Variants in FBXL4 observed in about 807,000 individuals in gnomAD.
FBXL4 encodes the protein F-box/LRR-repeat protein 4.
Under a neutral mutation model 58.9 loss-of-function variants are expected in FBXL4, and 40 were observed. The ratio of observed to expected loss-of-function variants is 0.68; its 90% CI spans 0.53 to 0.88. FBXL4 has a LOEUF of 0.88. Among genes scored for constraint, FBXL4 ranks in the 40% least tolerant of loss-of-function variants. FBXL4 has a pLI of 0.00. For missense variants in FBXL4, 676 were observed against 734.4 expected (o/e 0.92, Z 0.92); for synonymous variants, 263 against 265.5 (o/e 0.99, Z 0.09).
chr6:98,908,948 A>G (rs903174752), intron 5 of FBXL4, among the ~76,000 whole-genome samples: 1 of 151,900 alleles, frequency 6.6e-6, no homozygotes, highest in Admixed American at 6.6e-5. Context: ...CAGGACTAAT[A>G]CTCCTCTATC....
At chr6:98,886,607 T>G (rs1260692486) in intron 7 of FBXL4, among the ~76,000 whole-genome samples, 1 of 152,214 alleles carries the variant, frequency 6.6e-6, no homozygotes, top group Non-Finnish European at 1.5e-5. Context: ...CCCCATCTTT[T>G]TTTATTCCTC....
intron 2 of FBXL4, among the ~76,000 whole-genome samples, chr6:98,931,918 C>G (rs1773027577): frequency 6.6e-6 from 1 of 152,128 alleles, no homozygotes; most frequent in South Asian, 2.1e-4. Context: ...GGACTTTTGC[C>G]AAGGCATGGA....
At chr6:98,886,867 C>T (rs1771057415) in intron 7 of FBXL4, among the ~76,000 whole-genome samples, 1 of 152,192 alleles carries the variant, frequency 6.6e-6, no homozygotes, top group African/African-American at 2.4e-5. Context: ...AACACTGTCA[C>T]CTAGCTGATT....
intron 8 of FBXL4, among the ~76,000 whole-genome samples, chr6:98,876,386 T>A (rs1056316344): frequency 1.6e-4 from 24 of 152,332 alleles, no homozygotes; most frequent in African/African-American, 5.5e-4. Flanking sequence ...TTTAATAATG[T>A]TTCTTTAAAT....
At position 98,900,844 on chromosome 6, in the gene FBXL4, A is replaced by G. The variant is rs1771581642; in HGVS notation, c.1104-1363T>C. Among the ~76,000 whole-genome samples, 3 of 152,262 alleles carry G rather than the reference A, an allele frequency of 2.0e-5. No individual in the cohort carries two copies. The South Asian group carries it at 6.2e-4, about 32-fold the overall frequency. On this transcript the variant is annotated intron_variant, in intron 6 of 9. Coordinates refer to ENST00000369244, the MANE Select transcript of FBXL4 (RefSeq NM_001278716.2). ...TATTTGATTTGTGACATTTCATACA[A>G]CTGCACACTCCTTCCTTAAAACTCT...
intron 2 of FBXL4, among the ~76,000 whole-genome samples, chr6:98,931,482 A>G (rs1773008413): frequency 6.6e-6 from 1 of 152,222 alleles, no homozygotes; most frequent in African/African-American, 2.4e-5. Flanking sequence ...GGATAAAAAT[A>G]ATATTTAATG....
At chr6:98,946,734 C>A (rs1430923020) in intron 1 of FBXL4, among the ~76,000 whole-genome samples, 4 of 152,140 alleles carry the variant, frequency 2.6e-5, no homozygotes, top group Admixed American at 6.5e-5. Flanking sequence ...GTACTCAGAA[C>A]ATAAGTATGG....
At chr6:98,937,873 T>C (rs895014247) in intron 1 of FBXL4, among the ~76,000 whole-genome samples, 2 of 152,180 alleles carry the variant, frequency 1.3e-5, no homozygotes, top group African/African-American at 4.8e-5. Flanking sequence ...CAATTTGTTT[T>C]CTGGCACTGC....
chr6:98,925,064 G>A (rs1772725078), intron 4 of FBXL4, among the ~76,000 whole-genome samples: 1 of 152,200 alleles, frequency 6.6e-6, no homozygotes, highest in Admixed American at 6.5e-5. Context: ...AAACTGCTAA[G>A]ATCCATGAGT....
intron 7 of FBXL4, among the ~76,000 whole-genome samples, chr6:98,891,738 A>AG (rs1247827886): frequency 6.6e-6 from 1 of 152,004 alleles, no homozygotes; most frequent in Non-Finnish European, 1.5e-5. Context: ...AAAAAAAAAA[A>AG]AAAATTTAAA....
intron 7 of FBXL4, chr6:98,897,048 C>T: frequency 1.0e-6 from 1 of 984,410 alleles, no homozygotes; most frequent in Non-Finnish European, 1.2e-6. Context: ...AGATGCCTAG[C>T]AAGTTAATAT....
chr6:98,937,828 GAAT>G (rs1327401382), intron 1 of FBXL4, among the ~76,000 whole-genome samples: 2 of 152,128 alleles, frequency 1.3e-5, no homozygotes, highest in African/African-American at 4.8e-5. Flanking sequence ...AAACTGTCCA[GAAT>G]AATTGGAACT....
intron 2 of FBXL4, among the ~76,000 whole-genome samples, chr6:98,931,362 T>C (rs1366991200): frequency 5.9e-5 from 9 of 152,346 alleles, no homozygotes; most frequent in African/African-American, 1.4e-4. Context: ...AAATTTTGCA[T>C]TGAGGCAACA....
intron 1 of FBXL4, among the ~76,000 whole-genome samples, chr6:98,943,564 A>G (rs1219694824): frequency 1.4e-5 from 2 of 142,560 alleles, no homozygotes; most frequent in Non-Finnish European, 3.0e-5. Context: ...TGGGTGACAG[A>G]GCAAGACTCT....
At position 98,916,892 on chromosome 6, in the gene FBXL4, T is replaced by G. The variant is rs147057814; in HGVS notation, c.858+482A>C. ...AGCACTACCTGCCTAGACCAAAAATTACAGTTAGGAGAATATAGAATAGAG... is the reference window on the plus strand; with the variant it reads ...AGCACTACCTGCCTAGACCAAAAATGACAGTTAGGAGAATATAGAATAGAG... On this transcript the variant is annotated intron_variant, in intron 5 of 9. Coordinates refer to ENST00000369244, the MANE Select transcript of FBXL4 (RefSeq NM_001278716.2). Among the ~76,000 whole-genome samples the G allele has an allele frequency of 7.4e-5, 11 of 148,558 alleles. 1 individual carries two copies. The East Asian group carries it at 2.2e-3, about 29-fold the overall frequency.
intron 7 of FBXL4, chr6:98,898,714 T>C (rs1226161813): frequency 1.2e-5 from 12 of 983,034 alleles, no homozygotes; most frequent in Non-Finnish European, 1.3e-5. Flanking sequence ...GTTAAATAGA[T>C]TATGGTATAA....
chr6:98,884,788 AC>A (rs1770977192), intron 7 of FBXL4, among the ~76,000 whole-genome samples: 1 of 152,154 alleles, frequency 6.6e-6, no homozygotes. Context: ...TTACTTTTCT[AC>A]CATTCCTTCC....
intron 8 of FBXL4, 123 bp from the exon 9 acceptor site, chr6:98,875,850 G>T: frequency 2.1e-6 from 2 of 931,556 alleles, no homozygotes; most frequent in Non-Finnish European, 3.3e-6. Flanking sequence ...CCACATCCTT[G>T]TTAATACAGA....
At chr6:98,928,495 A>AT (rs953528251) in intron 2 of FBXL4, among the ~76,000 whole-genome samples, 1 of 151,866 alleles carries the variant, frequency 6.6e-6, no homozygotes, top group Non-Finnish European at 1.5e-5. Context: ...TGCCCAGCTA[A>AT]TTTTTTGTAG....
Sources: gnomAD v4.1 joint callset for allele counts (sites outside exome capture counted in the v4.1 genomes callset) on GRCh38, gnomAD v4.1.1 for gene constraint, MANE v1.5 for transcripts, NCBI Gene and HGNC (gene_info 2026-07-23, HGNC 2026-07-21) for gene names.